NRG3: variants seen among roughly 807,000 people sequenced by gnomAD.
The protein encoded by NRG3 is neuregulin 3, also known as pro-neuregulin-3, membrane-bound isoform.
NRG3 carries 31 observed loss-of-function variants against 66.9 expected under a neutral mutation model. That is an observed-to-expected ratio of 0.46 (90% CI 0.35 to 0.63). The LOEUF is 0.63. NRG3 is among the 20% of genes least tolerant of loss of function. The probability of loss-of-function intolerance (pLI) is 0.00; values close to 1 mark genes in which losing one functional copy is unlikely to be tolerated. For synonymous variants in NRG3, 393 were observed against 359.4 expected (o/e 1.09, Z -1.06); for missense variants, 910 against 878.9 (o/e 1.04, Z -0.45).
At chr10:82,899,815 G>A (rs375360548) in intron 4 of NRG3, among the ~76,000 whole-genome samples, 77 of 152,130 alleles carry the variant, frequency 5.1e-4, no homozygotes, top group African/African-American at 1.8e-3. Flanking sequence ...GTACTAATAG[G>A]CAGGTCTGCT....
At chr10:82,132,536 GATATAT>G (rs1181932473) in intron 1 of NRG3, among the ~76,000 whole-genome samples, 6 of 65,984 alleles carry the variant, frequency 9.1e-5, no homozygotes, top group South Asian at 4.8e-4. Flanking sequence ...ATATATATAT[GATATAT>G]ATATATCTTT....
intron 3 of NRG3, among the ~76,000 whole-genome samples, chr10:82,776,581 G>T (rs1300823943): frequency 1.3e-5 from 2 of 151,820 alleles, no homozygotes; most frequent in African/African-American, 4.8e-5. Flanking sequence ...TCACTTAATG[G>T]TGTTTAATAA....
At chr10:82,880,341 G>A (rs1187016557) in intron 4 of NRG3, among the ~76,000 whole-genome samples, 3 of 152,080 alleles carry the variant, frequency 2.0e-5, no homozygotes, top group Non-Finnish European at 4.4e-5. Context: ...GAGTGCGCAC[G>A]AGTGAGACTG....
chr10:82,568,289 T>C (rs974022806), intron 2 of NRG3, among the ~76,000 whole-genome samples: 47 of 151,848 alleles, frequency 3.1e-4, no homozygotes, highest in Admixed American at 2.1e-3. Context: ...GTTTAGTAAT[T>C]TAATATTAGT....
At chr10:82,692,418 T>C (rs779545148) in intron 2 of NRG3, among the ~76,000 whole-genome samples, 1 of 152,174 alleles carries the variant, frequency 6.6e-6, no homozygotes, top group Non-Finnish European at 1.5e-5. Context: ...TACAAGATAT[T>C]TTGCTCCTTA....
intron 1 of NRG3, among the ~76,000 whole-genome samples, chr10:81,985,652 A>G (rs2060491906): frequency 6.6e-6 from 1 of 152,218 alleles, no homozygotes; most frequent in Non-Finnish European, 1.5e-5. Flanking sequence ...AGGAAGATGA[A>G]GTAATGACAG....
At position 81,964,550 on chromosome 10, in the gene NRG3, A is replaced by G. The variant is rs367585763; in HGVS notation, c.823+88387A>G. ...TGAGATTGTTTCCAGATTTTCACTGAATACAATACCCTAGTAAAAATTTCT... is the reference window on the plus strand; with the variant it reads ...TGAGATTGTTTCCAGATTTTCACTGGATACAATACCCTAGTAAAAATTTCT... On this transcript the variant is annotated intron_variant, in intron 1 of 8. Coordinates refer to ENST00000372141, the MANE Select transcript of NRG3 (RefSeq NM_001010848.4). 5.9e-5 allele frequency among the ~76,000 whole-genome samples: 9 copies of G among 152,306 alleles called. 1 individual carries two copies. Among genetic ancestry groups the G allele is most frequent in the African/African-American group, 2.2e-4 (9 of 41,576 alleles).
chr10:82,470,408 T>C (rs1193282711), intron 2 of NRG3, among the ~76,000 whole-genome samples: 1 of 152,146 alleles, frequency 6.6e-6, no homozygotes, highest in Non-Finnish European at 1.5e-5. Context: ...ATAAGGATAA[T>C]ATGAGACGGA....
chr10:82,791,996 C>A (rs933978480), intron 3 of NRG3, among the ~76,000 whole-genome samples: 1 of 152,084 alleles, frequency 6.6e-6, no homozygotes, highest in Non-Finnish European at 1.5e-5. Context: ...AAAGTTCACA[C>A]AGAGCTGGGG....
intron 2 of NRG3, among the ~76,000 whole-genome samples, chr10:82,567,055 C>T (rs768629300): frequency 2.0e-5 from 3 of 151,934 alleles, no homozygotes; most frequent in African/African-American, 4.8e-5. Flanking sequence ...TCTGTCTCCA[C>T]CATCTAAACC....
chr10:82,211,910 A>ACC (rs1248664213), intron 1 of NRG3, among the ~76,000 whole-genome samples: 2 of 152,096 alleles, frequency 1.3e-5, no homozygotes, highest in African/African-American at 4.8e-5. Flanking sequence ...CTCACTAGAA[A>ACC]CCTAAATACA....
At chr10:82,945,344 C>A (rs149048871) in intron 4 of NRG3, among the ~76,000 whole-genome samples, 25 of 152,272 alleles carry the variant, frequency 1.6e-4, no homozygotes, top group East Asian at 1.5e-3. Context: ...CCTTATGGTT[C>A]TTTGTGCTGT....
chr10:82,758,620 G>C (rs1458849673), intron 3 of NRG3, among the ~76,000 whole-genome samples: 1 of 152,022 alleles, frequency 6.6e-6, no homozygotes, highest in East Asian at 1.9e-4. Context: ...GAAATCTAGT[G>C]ACTATAGATT....
intron 2 of NRG3, among the ~76,000 whole-genome samples, chr10:82,405,735 T>C (rs1395488469): frequency 6.6e-6 from 1 of 152,194 alleles, no homozygotes; most frequent in African/African-American, 2.4e-5. Flanking sequence ...CCCAAAGTGC[T>C]GGGATTACAG....
At chr10:81,922,834 T>C (rs532884571) in intron 1 of NRG3, among the ~76,000 whole-genome samples, 9 of 152,298 alleles carry the variant, frequency 5.9e-5, no homozygotes, top group African/African-American at 2.2e-4. Flanking sequence ...GACAGATTTA[T>C]AGAATGTCTA....
At chr10:82,309,686 G>A (rs2134948897) in intron 1 of NRG3, among the ~76,000 whole-genome samples, 1 of 152,252 alleles carries the variant, frequency 6.6e-6, no homozygotes, top group South Asian at 2.1e-4. Context: ...TAAGAGTAGG[G>A]AGGCTAAAAA....
At chr10:82,466,850 G>A (rs184269929) in intron 2 of NRG3, among the ~76,000 whole-genome samples, 1 of 151,862 alleles carries the variant, frequency 6.6e-6, no homozygotes, top group East Asian at 1.9e-4. Context: ...GGTGAGGACA[G>A]GCAAGGGGAA....
chr10:82,243,608 C>A (rs2077101713), intron 1 of NRG3, among the ~76,000 whole-genome samples: 1 of 152,108 alleles, frequency 6.6e-6, no homozygotes, highest in African/African-American at 2.4e-5. Flanking sequence ...GAAGAAATTG[C>A]AGCAATGTAT....
chr10:81,905,811 A>G (rs1844548509), intron 1 of NRG3, among the ~76,000 whole-genome samples: 1 of 152,098 alleles, frequency 6.6e-6, no homozygotes, highest in African/African-American at 2.4e-5. Context: ...ATTCTGCTCT[A>G]CCCTGGTATT....
Sources: allele counts gnomAD v4.1 joint callset (sites outside exome capture counted in the v4.1 genomes callset), GRCh38; gene constraint gnomAD v4.1.1; transcripts MANE v1.5; gene names NCBI Gene and HGNC (gene_info 2026-07-23, HGNC 2026-07-21).